Variants in CASP5 observed in about 807,000 individuals in gnomAD.
CASP5 encodes caspase-5.
CASP5 carries 42 observed loss-of-function variants against 45.2 expected under a neutral mutation model. That is an observed-to-expected ratio of 0.93 (90% CI 0.73 to 1.20). CASP5 has a LOEUF of 1.20. CASP5 is among the 50% of genes most tolerant of loss of function. The pLI, the probability that CASP5 is intolerant of heterozygous loss-of-function variation, is 0.00. For missense variants in CASP5, 512 were observed against 532.2 expected, an observed-to-expected ratio of 0.96 and a Z score of 0.37; for synonymous variants, 209 against 186.2, an observed-to-expected ratio of 1.12 and a Z score of -1.00.
At chr11:105,007,634 T>C (rs1425209363) in intron 2 of CASP5, among the ~76,000 whole-genome samples, 4 of 152,122 alleles carry the variant, frequency 2.6e-5, no homozygotes, top group African/African-American at 9.7e-5. Context: ...CATATTTCTC[T>C]TTCTCTTGCT....
In CASP5 at chr11:105,003,313, A is replaced by G; in HGVS notation, c.504T>C (p.Arg168=). ...TTTTACACAGTCTCAGGAATTCTTC[A>G]CGAGGACAAAGTTTGAGTATATTTG... ...ESTNILKLCP[R]EEFLRLCKKN... is the part of the protein sequence containing the mutation. Residue 168 remains arginine (R), a synonymous_variant, in exon 4 of 10, where the codon CGT becomes CGC. Coordinates refer to ENST00000260315, the MANE Select transcript of CASP5 (RefSeq NM_004347.5). The G allele has an allele frequency of 6.2e-7, 1 of 1,607,704 alleles. No homozygotes were observed. The highest frequency in any genetic ancestry group is 2.3e-5 in the East Asian group (1 of 44,414).
intron 2 of CASP5, among the ~76,000 whole-genome samples, chr11:105,008,065 G>A (rs1288662944): frequency 6.6e-6 from 1 of 152,058 alleles, no homozygotes; most frequent in Non-Finnish European, 1.5e-5. Flanking sequence ...GGAAAATATA[G>A]ATATCAAAGT....
In CASP5 at chr11:105,007,114, G is replaced by C; in HGVS notation, c.402C>G (p.Leu134=). The C allele has an allele frequency of 6.2e-7, 1 of 1,613,552 alleles. No individual in the cohort carries two copies. Among genetic ancestry groups the C allele is most frequent in the Non-Finnish European group, 8.5e-7 (1 of 1,179,578 alleles). ...VAHQMFTQTL[L]NMDQKITSVK... ...CACTGGTGATCTTTTGGTCCATATT[G>C]AGAAGTGTTTGGGTAAACATTTGAT... The change falls in exon 3 of 10, where the codon CTC becomes CTG. Residue 134 remains leucine (L), a synonymous_variant. Transcript: ENST00000260315.
chr11:105,018,745 G>A (rs376077541), intron 1 of CASP5, among the ~76,000 whole-genome samples: 72 of 142,900 alleles, frequency 5.0e-4, no homozygotes, highest in Non-Finnish European at 1.7e-4. Context: ...AGACAGATCA[G>A]CGAGACAGAA....
intron 1 of CASP5, among the ~76,000 whole-genome samples, chr11:105,011,142 G>T (rs3181167): frequency 6.6e-6 from 1 of 151,660 alleles, no homozygotes; most frequent in Non-Finnish European, 1.5e-5. Flanking sequence ...GTTGGAACAG[G>T]GAATGTGAAG....
At chr11:105,002,661 G>T (rs1861797764) in intron 4 of CASP5, among the ~76,000 whole-genome samples, 1 of 151,774 alleles carries the variant, frequency 6.6e-6, no homozygotes, top group African/African-American at 2.4e-5. Context: ...TTTTCAACTG[G>T]GTATAAACAA....
chr11:105,016,731 G>T (rs1004788717), intron 1 of CASP5, among the ~76,000 whole-genome samples: 1 of 152,156 alleles, frequency 6.6e-6, no homozygotes, highest in Non-Finnish European at 1.5e-5. Flanking sequence ...GCTGGGGGAG[G>T]GGCGCCCACC....
intron 3 of CASP5, among the ~76,000 whole-genome samples, chr11:105,003,965 T>C (rs1361675911): frequency 6.6e-6 from 1 of 151,930 alleles, no homozygotes; most frequent in African/African-American, 2.4e-5. Flanking sequence ...TGGGACAACA[T>C]CCCATTTTGG....
intron 6 of CASP5, among the ~76,000 whole-genome samples, chr11:104,999,355 T>C (rs1312868659): frequency 6.6e-6 from 1 of 152,194 alleles, no homozygotes; most frequent in Admixed American, 6.5e-5. Flanking sequence ...GCTTCCAGCT[T>C]CATTCATGTC....
At chr11:105,009,007 A>T in intron 1 of CASP5, 27 bp from the exon 2 acceptor site, 1 of 1,605,978 alleles carries the variant, frequency 6.2e-7, no homozygotes, top group South Asian at 1.1e-5. Flanking sequence ...GACTCCTTCA[A>T]CTCTGGGCAC....
intron 1 of CASP5, among the ~76,000 whole-genome samples, chr11:105,017,306 A>G (rs1182382226): frequency 6.6e-6 from 1 of 152,258 alleles, no homozygotes; most frequent in Non-Finnish European, 1.5e-5. Context: ...AGCTGGATGG[A>G]GAATGACTTT....
chr11:105,013,069 A>G (rs1862430934), intron 1 of CASP5, among the ~76,000 whole-genome samples: 1 of 151,990 alleles, frequency 6.6e-6, no homozygotes, highest in Non-Finnish European at 1.5e-5. Context: ...ATCATAATGC[A>G]ACAGTATTCA....
chr11:105,020,092 G>A (rs1862867532), intron 1 of CASP5, among the ~76,000 whole-genome samples: 1 of 145,696 alleles, frequency 6.9e-6, no homozygotes, highest in Non-Finnish European at 1.5e-5. Context: ...AAAGTTCTTT[G>A]ACAAAATTCA....
chr11:105,000,499 T>C lies in CASP5; in HGVS notation c.718-4A>G. ...CCCTCAGCACTGACTCCATATCCTA[T>C]AAAAGAGCAATGTCTAACTTCAGTC... is the stretch of plus-strand genomic sequence containing the variant. On this transcript the variant is annotated splice_region_variant and splice_polypyrimidine_tract_variant and intron_variant, in intron 5 of 9. Coordinates refer to ENST00000260315, the MANE Select transcript of CASP5 (RefSeq NM_004347.5). 3 of 1,613,132 alleles carry C rather than the reference T, an allele frequency of 1.9e-6. No homozygotes were observed. In the East Asian group the frequency reaches 6.7e-5, roughly 36 times the overall value.
chr11:105,005,587 C>T (rs1449838673), intron 3 of CASP5, among the ~76,000 whole-genome samples: 4 of 152,032 alleles, frequency 2.6e-5, no homozygotes, highest in Non-Finnish European at 5.9e-5. Context: ...ATTCTGGGAT[C>T]GATCATTCTG....
chr11:104,998,887 G>A lies in CASP5; in HGVS notation c.1094C>T (p.Pro365Leu), dbSNP rs775402862. 4.3e-5 allele frequency: 70 copies of A among 1,611,684 alleles called. 1 individual carries two copies. The highest frequency in any genetic ancestry group is 5.7e-5 in the Non-Finnish European group (67 of 1,179,262). Residue 365 changes from proline (P) to leucine (L), a missense_variant and splice_region_variant, in exon 7 of 10, where the codon CCA (proline) becomes CTA (leucine). By Grantham distance (98) the Pro-to-Leu change is moderately conservative. Transcript: ENST00000260315. ...GACTGTTACTAAAAGACACATACGT[G>A]GTGTTGAAGAACAGAAAGCAATGAA... ...KDFIAFCSST[P>L]HNVSWRDRTR... is the part of the protein sequence containing the mutation.
intron 1 of CASP5, among the ~76,000 whole-genome samples, chr11:105,014,331 G>C (rs990055059): frequency 6.6e-6 from 1 of 151,836 alleles, no homozygotes; most frequent in Non-Finnish European, 1.5e-5. Context: ...GATTCTCTGA[G>C]GGGAGACAAT....
intron 3 of CASP5, among the ~76,000 whole-genome samples, chr11:105,004,220 A>AAT (rs1419625318): frequency 6.6e-6 from 1 of 152,204 alleles, no homozygotes; most frequent in Non-Finnish European, 1.5e-5. Context: ...CAAAGGGACA[A>AAT]ATATTTGTAT....
At chr11:105,018,252 C>G (rs369013245) in intron 1 of CASP5, among the ~76,000 whole-genome samples, 1 of 150,024 alleles carries the variant, frequency 6.7e-6, no homozygotes, top group African/African-American at 2.5e-5. Context: ...CATCAACTAA[C>G]GAGCAAAATA....
Sources: gnomAD v4.1 joint callset for allele counts (sites outside exome capture counted in the v4.1 genomes callset) on GRCh38, gnomAD v4.1.1 for gene constraint, MANE v1.5 for transcripts, NCBI Gene and HGNC (gene_info 2026-07-23, HGNC 2026-07-21) for gene names.